The following DGKB variants were observed in gnomAD, a reference collection of about 807,000 sequenced individuals.
DGKB encodes the protein diacylglycerol kinase beta.
Under a neutral mutation model 114.3 loss-of-function variants are expected in DGKB, and 67 were observed. The observed-to-expected ratio is 0.59, with a 90% CI of 0.48 to 0.72. The LOEUF is 0.72. Among genes scored for constraint, DGKB ranks in the 30% least tolerant of loss-of-function variants. DGKB has a pLI of 0.00. For synonymous variants in DGKB, 398 were observed against 323.1 expected (o/e 1.23, Z -2.49); for missense variants, 907 against 975.2 (o/e 0.93, Z 0.93).
intron 21 of DGKB, among the ~76,000 whole-genome samples, chr7:14,473,426 G>A (rs1285067167): frequency 1.3e-5 from 2 of 152,202 alleles, no homozygotes; most frequent in African/African-American, 2.4e-5. Context: ...ACGCCTGGAT[G>A]CCCAGGAAGC....
intron 1 of DGKB, among the ~76,000 whole-genome samples, chr7:14,873,543 T>C (rs1852798306): frequency 1.3e-5 from 2 of 152,022 alleles, no homozygotes; most frequent in Non-Finnish European, 2.9e-5. Flanking sequence ...TTTTGAACAA[T>C]GTATCTATAA....
chr7:14,351,915 G>C (rs1056700886), intron 21 of DGKB, among the ~76,000 whole-genome samples: 3 of 152,106 alleles, frequency 2.0e-5, no homozygotes, highest in African/African-American at 2.4e-5. Flanking sequence ...TTTGGAGTAA[G>C]AGAATAATGT....
At chr7:14,522,913 C>A (rs1284752785) in intron 20 of DGKB, among the ~76,000 whole-genome samples, 1 of 152,060 alleles carries the variant, frequency 6.6e-6, no homozygotes, top group Non-Finnish European at 1.5e-5. Context: ...AGAACTGAGA[C>A]AAGAAAGCAT....
chr7:14,595,455 C>A (rs1198651736), intron 17 of DGKB, among the ~76,000 whole-genome samples: 1 of 152,036 alleles, frequency 6.6e-6, no homozygotes, highest in African/African-American at 2.4e-5. Context: ...TAATTTCCTC[C>A]TTATGATCTC....
intron 1 of DGKB, among the ~76,000 whole-genome samples, chr7:14,944,862 T>C (rs1035565784): frequency 6.6e-6 from 1 of 151,794 alleles, no homozygotes; most frequent in Non-Finnish European, 1.5e-5. Context: ...GTATATACCA[T>C]AAGTATATCA....
intron 1 of DGKB, among the ~76,000 whole-genome samples, chr7:14,934,760 G>A (rs903808886): frequency 1.3e-5 from 2 of 152,150 alleles, no homozygotes; most frequent in East Asian, 3.8e-4. Context: ...AAAGTCAAAT[G>A]CTTACAATAA....
chr7:14,395,177 T>C lies in DGKB; in HGVS notation c.1836-49786A>G, dbSNP rs367554408. Among the ~76,000 whole-genome samples, 32 of 152,232 alleles carry C rather than the reference T, an allele frequency of 2.1e-4. No homozygotes were observed. In the Middle Eastern group the frequency reaches 0.017, roughly 81 times the overall value. On this transcript the variant is annotated intron_variant, in intron 21 of 25. Transcript: ENST00000402815. Reference sequence around the variant, plus strand: ...TGATTTAAAGAGTAAATGCTATTAATTATGAAAGACAGTCAATAAAAAGCT... The same window carrying C: ...TGATTTAAAGAGTAAATGCTATTAACTATGAAAGACAGTCAATAAAAAGCT...
At chr7:14,910,743 C>T (rs1052164344) in intron 1 of DGKB, among the ~76,000 whole-genome samples, 1 of 152,104 alleles carries the variant, frequency 6.6e-6, no homozygotes, top group Non-Finnish European at 1.5e-5. Flanking sequence ...TTCTTAACAC[C>T]TCTGCTACAT....
At chr7:14,578,357 G>A (rs7792936) in intron 19 of DGKB, among the ~76,000 whole-genome samples, 60,982 of 151,944 alleles carry the variant, frequency 0.4, 13,204 homozygotes, top group East Asian at 0.65. Context: ...GGTTTAGCAC[G>A]AGAACCTACA....
chr7:14,320,497 A>G (rs1014787010), intron 23 of DGKB, among the ~76,000 whole-genome samples: 1 of 152,096 alleles, frequency 6.6e-6, no homozygotes, highest in African/African-American at 2.4e-5. Context: ...CATCAACTCC[A>G]CAAAGCATCT....
At chr7:14,408,589 C>A (rs1824332825) in intron 21 of DGKB, among the ~76,000 whole-genome samples, 1 of 152,046 alleles carries the variant, frequency 6.6e-6, no homozygotes, top group Non-Finnish European at 1.5e-5. Context: ...AGAACAATTG[C>A]CATTTCTAAG....
intron 2 of DGKB, among the ~76,000 whole-genome samples, chr7:14,814,816 G>A (rs1843887395): frequency 1.3e-5 from 2 of 152,000 alleles, no homozygotes; most frequent in South Asian, 4.1e-4. Context: ...CATACTCTAG[G>A]TAACTTTATT....
chr7:14,485,453 C>T (rs767494559), intron 20 of DGKB, among the ~76,000 whole-genome samples: 1 of 151,900 alleles, frequency 6.6e-6, no homozygotes, highest in African/African-American at 2.4e-5. Flanking sequence ...ACTGCTGGAA[C>T]AACCAGGGCA....
intron 2 of DGKB, among the ~76,000 whole-genome samples, chr7:14,822,558 A>G (rs1399728078): frequency 6.6e-6 from 1 of 152,132 alleles, no homozygotes; most frequent in Non-Finnish European, 1.5e-5. Flanking sequence ...ATAGTTTTAG[A>G]GATTGTTAAG....
intron 21 of DGKB, among the ~76,000 whole-genome samples, chr7:14,402,728 G>C (rs2060160): frequency 0.088 from 13,353 of 151,906 alleles, 1,104 homozygotes; most frequent in East Asian, 0.46. Flanking sequence ...CCACATACCA[G>C]TCTAGATGTT....
upstream of DGKB, among the ~76,000 whole-genome samples, chr7:14,906,950 T>G (rs941607342): frequency 6.6e-6 from 1 of 152,198 alleles, no homozygotes; most frequent in African/African-American, 2.4e-5. Context: ...TCACTTTAAA[T>G]TTTTTATATA....
Position 14,316,766 on chromosome 7 carries a change from C to A in DGKB, c.2122+21749G>T, listed in dbSNP as rs373948745. Among the ~76,000 whole-genome samples, 131 of 151,614 alleles carry A rather than the reference C, an allele frequency of 8.6e-4. No individual in the cohort carries two copies. In the East Asian group the frequency reaches 0.014, roughly 16 times the overall value. On this transcript the variant is annotated intron_variant, in intron 23 of 25. Transcript: ENST00000402815. ...TCCAATCAATAGAAAAAGAGGGAAT[C>A]CTCCCTAACTCATTTGATGAGGCCA...
chr7:14,697,998 AAAG>A (rs1425860021), intron 8 of DGKB, 94 bp downstream of exon 8: 12 of 161,984 alleles, frequency 7.4e-5, no homozygotes, highest in Non-Finnish European at 1.2e-4. Context: ...AGAAAGAAAA[AAAG>A]AAAGAAAGAA....
intron 20 of DGKB, among the ~76,000 whole-genome samples, chr7:14,558,945 A>G (rs1796258518): frequency 6.6e-6 from 1 of 152,208 alleles, no homozygotes; most frequent in South Asian, 2.1e-4. Context: ...CCTGGTCTCC[A>G]GCATCCATTT....
Sources: allele counts gnomAD v4.1 joint callset (sites outside exome capture counted in the v4.1 genomes callset), GRCh38; gene constraint gnomAD v4.1.1; transcripts MANE v1.5; gene names NCBI Gene and HGNC (gene_info 2026-07-23, HGNC 2026-07-21).